Variants in ELAC1 observed in about 807,000 individuals in gnomAD.
ELAC1 encodes the protein elaC ribonuclease Z 1.
A neutral mutation model predicts 25.8 loss-of-function variants in ELAC1; 19 were observed. The ratio of observed to expected loss-of-function variants is 0.74; its 90% confidence interval spans 0.51 to 1.08. The LOEUF (loss-of-function observed/expected upper bound fraction) is 1.08, where lower values mean the gene tolerates loss of function less well. ELAC1 is among the 50% of genes least tolerant of loss of function. ELAC1 has a pLI of 0.00. For synonymous variants in ELAC1, 148 were observed against 160.9 expected (o/e 0.92, Z 0.61); for missense variants, 403 against 434.6 (o/e 0.93, Z 0.65).
Position 50,971,896 on chromosome 18 carries a change from A to ATG in ELAC1, c.-8-2485_-8-2484dup, listed in dbSNP as rs370758383. 2.3e-3 allele frequency among the ~76,000 whole-genome samples: 292 copies of ATG among 127,980 alleles called. 1 individual carries two copies. The highest frequency in any genetic ancestry group is 6.0e-3 in the South Asian group (25 of 4,144). 84.0% of individuals were successfully genotyped at this position (127,980 alleles called of 152,430 possible). ...TGTATATATGTATATATATGTATAT[A>ATG]TGTGTGTGTGTGTGTGTATATATAT... is the stretch of plus-strand genomic sequence containing the variant. On this transcript the variant is annotated intron_variant, in intron 1 of 3. Coordinates refer to ENST00000269466, the MANE Select transcript of ELAC1 (RefSeq NM_018696.3).
chr18:50,972,262 G>A (rs927220903), intron 1 of ELAC1, among the ~76,000 whole-genome samples: 3 of 151,696 alleles, frequency 2.0e-5, no homozygotes, highest in African/African-American at 4.8e-5. Context: ...TCTTAACTAC[G>A]TGAAGTGTAT....
intron 2 of ELAC1, among the ~76,000 whole-genome samples, chr18:50,983,514 T>C (rs1908015627): frequency 6.6e-6 from 1 of 151,980 alleles, no homozygotes; most frequent in Non-Finnish European, 1.5e-5. Context: ...CTCTGAAAGC[T>C]GTAAAACTAT....
chr18:50,968,826 A>G (rs1907575812), intron 1 of ELAC1: 1 of 152,246 alleles, frequency 6.6e-6, no homozygotes, highest in Non-Finnish European at 1.5e-5. Flanking sequence ...CATTGATTAA[A>G]TAATTTCTGA....
At position 50,984,570 on chromosome 18, in the gene ELAC1, G is replaced by GT; in HGVS notation, c.625+14dup. On this transcript the variant is annotated splice_region_variant and intron_variant, in intron 3 of 3. Coordinates refer to ENST00000269466, the MANE Select transcript of ELAC1 (RefSeq NM_018696.3). ...CAGAAACTTAAAGACCTTGGTAAGT[G>GT]TTTTTTTGTTTTTTGTTTTTTCCCG... is the stretch of plus-strand genomic sequence containing the variant. 6.3e-6 allele frequency: 10 copies of GT among 1,597,666 alleles called. No individual in the cohort carries two copies. Among genetic ancestry groups the GT allele is most frequent in the Non-Finnish European group, 8.5e-6 (10 of 1,170,946 alleles).
chr18:50,986,967 GAGA>G lies in ELAC1; in HGVS notation c.977_979del (p.Glu326del). Reference sequence around the variant, plus strand: ...AGGTACAAACCAGTTGCCTTGGCCAGAGAAGGAGAAACAGATGGCATTGCAGAA... The same window carrying G: ...AGGTACAAACCAGTTGCCTTGGCCAGAGGAGAAACAGATGGCATTGCAGAA... On this transcript the variant is annotated inframe_deletion, in exon 4 of 4. Coordinates refer to ENST00000269466, the MANE Select transcript of ELAC1 (RefSeq NM_018696.3). 6.2e-7 allele frequency: 1 copy of G among 1,614,042 alleles called. No individual in the cohort carries two copies. The highest frequency in any genetic ancestry group is 8.5e-7 in the Non-Finnish European group (1 of 1,179,952).
intron 1 of ELAC1, among the ~76,000 whole-genome samples, chr18:50,972,343 G>A (rs1029216391): frequency 6.6e-6 from 1 of 152,028 alleles, no homozygotes; most frequent in Non-Finnish European, 1.5e-5. Context: ...TTATGTCAGT[G>A]CCATTCATTA....
At chr18:50,971,749 T>C (rs1300740430) in intron 1 of ELAC1, among the ~76,000 whole-genome samples, 1 of 151,650 alleles carries the variant, frequency 6.6e-6, no homozygotes, top group African/African-American at 2.4e-5. Context: ...ACCCTTATCT[T>C]TTATTTATTA....
At position 50,987,074 on chromosome 18, in the gene ELAC1, A is replaced by G. The variant is rs1235579045; in HGVS notation, c.1081A>G (p.Ile361Val). The G allele has an allele frequency of 3.3e-6, 5 of 1,537,278 alleles. No individual in the cohort carries two copies. The highest frequency in any genetic ancestry group is 2.3e-5 in the East Asian group (1 of 44,196). ...AEDFMVISIP[I>V]KK ...AGATTTTATGGTGATAAGCATTCCA[A>G]TCAAGAAATGAAACCAGTGTTCCTG... The change falls in exon 4 of 4, where the codon ATC becomes GTC. Residue 361 changes from isoleucine (I) to valine (V), a missense_variant. By Grantham distance (29) the Ile-to-Val change is conservative. Coordinates refer to ENST00000269466, the MANE Select transcript of ELAC1 (RefSeq NM_018696.3).
intron 1 of ELAC1, among the ~76,000 whole-genome samples, 154 bp downstream of exon 1, chr18:50,968,268 G>T (rs1285000135): frequency 6.6e-6 from 1 of 151,990 alleles, no homozygotes; most frequent in African/African-American, 2.4e-5. Flanking sequence ...GAGTCTCGGC[G>T]GGCCGGAGCC....
At chr18:50,970,716 G>T (rs1264541675) in intron 1 of ELAC1, among the ~76,000 whole-genome samples, 2 of 149,576 alleles carry the variant, frequency 1.3e-5, no homozygotes, top group Non-Finnish European at 1.5e-5. Flanking sequence ...AAAATCATCA[G>T]CATTAAGTAA....
intron 2 of ELAC1, among the ~76,000 whole-genome samples, chr18:50,976,972 G>A (rs369518433): frequency 1.8e-4 from 27 of 152,320 alleles, no homozygotes; most frequent in East Asian, 5.8e-4. Context: ...TTAAAGCTCC[G>A]AAATGATCTC....
In ELAC1 at chr18:50,984,280, G is replaced by C. The variant is rs768745209; in HGVS notation, c.342G>C (p.Leu114=). The change falls in exon 3 of 4, where the codon CTG becomes CTC. Residue 114 remains leucine (L), a synonymous_variant. Coordinates refer to ENST00000269466, the MANE Select transcript of ELAC1 (RefSeq NM_018696.3). ...CCATGGAACTCTCTCACACGGAGCT[G>C]GTCTTCCATTATGTGGTTCATGAAC... ...WRTMELSHTE[L]VFHYVVHELV... 2.5e-6 allele frequency: 4 copies of C among 1,614,018 alleles called. No homozygotes were observed. The highest frequency in any genetic ancestry group is 1.3e-5 in the African/African-American group (1 of 74,896).
chr18:50,970,652 G>A (rs1293459229), intron 1 of ELAC1, among the ~76,000 whole-genome samples: 2 of 148,990 alleles, frequency 1.3e-5, no homozygotes, highest in Non-Finnish European at 3.0e-5. Context: ...AGACTAGGTA[G>A]TGTGTAGTTA....
At chr18:50,972,032 T>A (rs886527504) in intron 1 of ELAC1, among the ~76,000 whole-genome samples, 5 of 144,660 alleles carry the variant, frequency 3.5e-5, no homozygotes, top group African/African-American at 1.0e-4. Flanking sequence ...TAACCCCCTG[T>A]CATAAGGGGG....
At chr18:50,977,801 C>T (rs953265149) in intron 2 of ELAC1, among the ~76,000 whole-genome samples, 2 of 152,176 alleles carry the variant, frequency 1.3e-5, no homozygotes, top group African/African-American at 4.8e-5. Flanking sequence ...ACATAAGTTA[C>T]AATTCCAAAC....
chr18:50,978,708 G>A (rs1907860931), intron 2 of ELAC1, among the ~76,000 whole-genome samples: 1 of 152,158 alleles, frequency 6.6e-6, no homozygotes, highest in South Asian at 2.1e-4. Flanking sequence ...AGATGGAGAT[G>A]AGAGATTCAA....
intron 2 of ELAC1, among the ~76,000 whole-genome samples, chr18:50,982,411 A>G (rs1316053545): frequency 6.6e-6 from 1 of 152,222 alleles, no homozygotes; most frequent in Non-Finnish European, 1.5e-5. Context: ...GATGTTATAG[A>G]ACAAATCACA....
intron 3 of ELAC1, chr18:50,984,801 A>G: frequency 7.1e-6 from 4 of 562,132 alleles, no homozygotes; most frequent in Non-Finnish European, 1.2e-5. Context: ...GTGTGGTGTC[A>G]TGTGCCTGTA....
In ELAC1 at chr18:50,974,554, TA is replaced by T; in HGVS notation, c.153del (p.Ala52GlnfsTer46). 1 of 1,613,934 alleles carries T rather than the reference TA, an allele frequency of 6.2e-7. No individual in the cohort carries two copies. The highest frequency in any genetic ancestry group is 8.5e-7 in the Non-Finnish European group (1 of 1,179,938). On this transcript the variant is annotated frameshift_variant, in exon 2 of 4. Coordinates refer to ENST00000269466, the MANE Select transcript of ELAC1 (RefSeq NM_018696.3). LOFTEE classifies it high-confidence loss of function. ...AGACACAGCTTATGAAAAGCCAACT[TA>T]AAGCAGGTTAGTGTGCCTTCAGCTA... is the stretch of plus-strand genomic sequence containing the variant. The part of the protein sequence containing the change: ...TQTQLMKSQL[K>X]AGRITKIFIT...
Sources: gnomAD v4.1 joint callset for allele counts (sites outside exome capture counted in the v4.1 genomes callset) on GRCh38, gnomAD v4.1.1 for gene constraint, MANE v1.5 for transcripts, NCBI Gene and HGNC (gene_info 2026-07-23, HGNC 2026-07-21) for gene names.